COL6A3: variants seen among roughly 807,000 people sequenced by gnomAD.
The protein encoded by COL6A3 is collagen alpha-3(VI) chain.
COL6A3 carries 137 observed loss-of-function variants against 274.1 expected under a neutral mutation model. That is an observed-to-expected ratio of 0.50 (90% CI 0.44 to 0.58). COL6A3 has a LOEUF of 0.58. COL6A3 is among the 20% of genes least tolerant of loss of function. The pLI, the probability that COL6A3 is intolerant of heterozygous loss-of-function variation, is 0.00. For synonymous variants in COL6A3, 1,650 were observed against 1,650.6 expected, an observed-to-expected ratio of 1.00 and a Z score of 0.01; for missense variants, 3,950 against 4,124.9, an observed-to-expected ratio of 0.96 and a Z score of 1.16.
At position 237,341,148 on chromosome 2, in the gene COL6A3, T is replaced by C. The variant is rs372278071; in HGVS notation, c.7768A>G (p.Ile2590Val). The C allele has an allele frequency of 4.3e-6, 7 of 1,613,934 alleles. No individual in the cohort carries two copies. The African/African-American group carries it at 9.3e-5, about 22-fold the overall frequency. ...NVLTCHVCLDICNIDPSCGFG... is the reference protein window; with the variant it reads ...NVLTCHVCLDVCNIDPSCGFG... ...CCACAGGATGGGTCGATGTTGCAGA[T>C]GTCTAGAAAGAAGCATGGCAGCCTA... The change falls in exon 38 of 44, where the codon ATC becomes GTC. Residue 2590 changes from isoleucine to valine, a missense_variant and splice_region_variant. Coordinates refer to ENST00000295550, the MANE Select transcript of COL6A3 (RefSeq NM_004369.4).
At chr2:237,329,444 G>C (rs963020703) in intron 42 of COL6A3, 1 of 152,130 alleles carries the variant, frequency 6.6e-6, no homozygotes, top group African/African-American at 2.4e-5. Context: ...AAGACTTCAA[G>C]ATAAAAAACA....
chr2:237,364,784 A>G lies in COL6A3; in HGVS notation c.5839-356T>C, dbSNP rs556540552. On this transcript the variant is annotated intron_variant, in intron 12 of 43. Transcript: ENST00000295550. The surrounding 1 kb of genome is among the most constrained non-coding windows in gnomAD (Gnocchi z 4.6). ...TGTGTGTGGGTACATATGTGTGTGTATGGGTGCATTGTGTGTGCATGTGTG... is the reference window on the plus strand; with the variant it reads ...TGTGTGTGGGTACATATGTGTGTGTGTGGGTGCATTGTGTGTGCATGTGTG... Among the ~76,000 whole-genome samples, 26 of 140,966 alleles carry G rather than the reference A, an allele frequency of 1.8e-4. No homozygotes were observed. Among genetic ancestry groups the G allele is most frequent in the Admixed American group, 9.3e-4 (13 of 14,016 alleles). 92.5% of individuals were successfully genotyped at this position (140,966 alleles called of 152,430 possible). A position where few individuals can be genotyped will look rare whatever the true frequency, so the allele number is the denominator to read the frequency against.
In COL6A3 at chr2:237,354,932, A is replaced by T; in HGVS notation, c.6594T>A (p.Gly2198=). 2 of 1,613,742 alleles carry T rather than the reference A, an allele frequency of 1.2e-6. No homozygotes were observed. Among genetic ancestry groups the T allele is most frequent in the Non-Finnish European group, 8.5e-7 (1 of 1,179,852 alleles). ...PGGPGETGKN[G]GFGRRGPPGA... ...CGGGGGGTCCCCTTCGGCCAAAGCC[A>T]CCCTGTGGAAGAAAAAGTCCCACAA... Residue 2198 remains glycine, a splice_region_variant and synonymous_variant, in exon 24 of 44, where the codon GGT becomes GGA. Transcript: ENST00000295550.
Position 237,361,247 on chromosome 2 carries a change from C to T in COL6A3, c.6157-73G>A, listed in dbSNP as rs1031923214. On this transcript the variant is annotated intron_variant, in intron 15 of 43. Transcript: ENST00000295550. This position sits in a 1 kb window ranked among gnomAD's most constrained non-coding sequence, Gnocchi z 5.1. The stretch of plus-strand genomic sequence containing the variant: ...GCTCTACAGTAAGAATCCCTGTGGT[C>T]CCCCTTCATTTGGCAGAGCAGCACT... 2 of 1,396,696 alleles carry T rather than the reference C, an allele frequency of 1.4e-6. No individual in the cohort carries two copies. Among genetic ancestry groups the T allele is most frequent in the Non-Finnish European group, 2.0e-6 (2 of 984,060 alleles). 86.5% of individuals were successfully genotyped at this position (1,396,696 alleles called of 1,614,324 possible).
chr2:237,355,966 A>G (rs1276519472), intron 23 of COL6A3, among the ~76,000 whole-genome samples: 2 of 152,034 alleles, frequency 1.3e-5, no homozygotes, highest in Non-Finnish European at 2.9e-5. Context: ...GCCTGCGGAG[A>G]CTCTAGAAAG....
At chr2:237,411,888 G>A (rs1023554811) in intron 1 of COL6A3, among the ~76,000 whole-genome samples, 6 of 152,130 alleles carry the variant, frequency 3.9e-5, no homozygotes, top group Middle Eastern at 3.2e-3. Context: ...GGGGCCAAGG[G>A]CTAACATTCT....
intron 6 of COL6A3, 32 bp downstream of exon 6, chr2:237,378,604 A>C: frequency 1.2e-6 from 2 of 1,612,108 alleles, no homozygotes; most frequent in Non-Finnish European, 1.7e-6. Flanking sequence ...CTGAGGAAGG[A>C]GAGGGAGTTC....
intron 16 of COL6A3, among the ~76,000 whole-genome samples, chr2:237,360,876 A>G (rs2077420779): frequency 6.6e-6 from 1 of 152,128 alleles, no homozygotes; most frequent in Non-Finnish European, 1.5e-5. Flanking sequence ...TGGCTCAGAA[A>G]CCAATTAATC....
At chr2:237,324,950 C>G in intron 43 of COL6A3, 136 bp from the exon 44 acceptor site, 1 of 945,232 alleles carries the variant, frequency 1.1e-6, no homozygotes, top group East Asian at 2.6e-5. Flanking sequence ...ATCACCTGTC[C>G]CACTTTTCTA....
At chr2:237,386,914 T>C (rs975930009) in intron 4 of COL6A3, among the ~76,000 whole-genome samples, 1 of 152,202 alleles carries the variant, frequency 6.6e-6, no homozygotes, top group Non-Finnish European at 1.5e-5. Flanking sequence ...TTGGTTTTTT[T>C]GTTTTTTAAA....
intron 42 of COL6A3, chr2:237,329,872 G>A (rs1700132159): frequency 6.6e-6 from 1 of 152,184 alleles, no homozygotes; most frequent in Admixed American, 6.5e-5. Flanking sequence ...GAATCAATAA[G>A]TAAAACGTTA....
In COL6A3 at chr2:237,334,690, A is replaced by T. The variant is rs779322100; in HGVS notation, c.9165T>A (p.His3055Gln). ...ACCTCAGGTAGCAGACCACAGCCAC[A>T]TGGTATGTCTGCCCAGCGAGCAGGC... ...IGGLLAGQTY[H>Q]VAVVCYLRSQ... The change falls in exon 41 of 44, where the codon CAT (histidine) becomes CAA (glutamine). Residue 3055 changes from histidine to glutamine, a missense_variant. Transcript: ENST00000295550. The T allele has an allele frequency of 5.0e-6, 8 of 1,613,834 alleles. No individual in the cohort carries two copies. Among genetic ancestry groups the T allele is most frequent in the Non-Finnish European group, 6.8e-6 (8 of 1,180,042 alleles).
At chr2:237,338,693 A>T (rs946959582) in intron 39 of COL6A3, among the ~76,000 whole-genome samples, 6 of 152,210 alleles carry the variant, frequency 3.9e-5, no homozygotes, top group African/African-American at 1.4e-4. Flanking sequence ...GCTTGAATCC[A>T]GGAGGCAGAG....
chr2:237,398,919 AC>A (rs2078520049), intron 1 of COL6A3, among the ~76,000 whole-genome samples: 1 of 152,168 alleles, frequency 6.6e-6, no homozygotes, highest in Admixed American at 6.5e-5. Flanking sequence ...TTCAGCATCT[AC>A]TATGTGATCA....
At chr2:237,377,748 GA>G (rs150449423) in intron 6 of COL6A3, among the ~76,000 whole-genome samples, 39,219 of 150,958 alleles carry the variant, frequency 0.26, 5,050 homozygotes, top group Middle Eastern at 0.32. Context: ...TCAATCTCTA[GA>G]AAAAAAAAGG....
intron 31 of COL6A3, 138 bp downstream of exon 31, chr2:237,347,669 C>T (rs2077123844): frequency 1.1e-6 from 1 of 895,402 alleles, no homozygotes; most frequent in African/African-American, 1.7e-5. Context: ...GTCTGGGGCT[C>T]AGGATTCCCT....
At chr2:237,331,165 T>C (rs573273624) in intron 42 of COL6A3, among the ~76,000 whole-genome samples, 3 of 152,318 alleles carry the variant, frequency 2.0e-5, no homozygotes, top group Admixed American at 1.3e-4. Flanking sequence ...GTCTAGAAAA[T>C]GTATATTTGG....
chr2:237,359,872 C>T (rs1290363512), intron 17 of COL6A3, among the ~76,000 whole-genome samples: 1 of 152,184 alleles, frequency 6.6e-6, no homozygotes, highest in Non-Finnish European at 1.5e-5. Context: ...CATGTTTCCA[C>T]AGGAAACTAT....
At position 237,408,197 on chromosome 2, in the gene COL6A3, T is replaced by C. The variant is rs116361793; in HGVS notation, c.-31+5756A>G. ...TCAAGTTGGAACATCTGATAAAATA[T>C]CATCCATGCTGGATTTATTGCAGTA... On this transcript the variant is annotated intron_variant, in intron 1 of 43. Coordinates refer to ENST00000295550, the MANE Select transcript of COL6A3 (RefSeq NM_004369.4). Among the ~76,000 whole-genome samples, 750 of 152,352 alleles carry C rather than the reference T, an allele frequency of 4.9e-3. 5 individuals carry two copies. The highest frequency in any genetic ancestry group is 0.017 in the African/African-American group (712 of 41,574).
Sources: allele counts gnomAD v4.1 joint callset (sites outside exome capture counted in the v4.1 genomes callset), GRCh38; gene constraint gnomAD v4.1.1; non-coding constraint Gnocchi (gnomAD v3.1); transcripts MANE v1.5; gene names NCBI Gene and HGNC (gene_info 2026-07-23, HGNC 2026-07-21).